ZRANB3: variants seen among roughly 807,000 people sequenced by gnomAD.
The protein encoded by ZRANB3 is zinc finger RANBP2-type containing 3, also known as DNA annealing helicase and endonuclease ZRANB3.
Under a neutral mutation model 133.8 loss-of-function variants are expected in ZRANB3, and 125 were observed. The ratio of observed to expected loss-of-function variants is 0.93; its 90% CI spans 0.81 to 1.08. The LOEUF (loss-of-function observed/expected upper bound fraction) is 1.08. Ranked by LOEUF, ZRANB3 falls within the 50% of genes least tolerant of loss-of-function variation. ZRANB3 has a pLI of 0.00. For missense variants in ZRANB3, 1,229 were observed against 1,275.5 expected (o/e 0.96, Z 0.56); for synonymous variants, 387 against 432.7 (o/e 0.89, Z 1.31).
chr2:135,383,510 C>T (rs1686821178), intron 3 of ZRANB3, among the ~76,000 whole-genome samples: 1 of 152,186 alleles, frequency 6.6e-6, no homozygotes, highest in Non-Finnish European at 1.5e-5. Flanking sequence ...TAGACATCTA[C>T]AGAACTCTCC....
chr2:135,339,725 T>C (rs903861688), intron 6 of ZRANB3, among the ~76,000 whole-genome samples: 9 of 152,260 alleles, frequency 5.9e-5, no homozygotes, highest in Admixed American at 5.2e-4. Flanking sequence ...TGTCTTACTG[T>C]AGTTTCAATT....
chr2:135,453,653 G>A (rs1162364978), intron 2 of ZRANB3, among the ~76,000 whole-genome samples: 1 of 152,162 alleles, frequency 6.6e-6, no homozygotes, highest in Non-Finnish European at 1.5e-5. Context: ...AGTCACCTTT[G>A]CTCCAATTCC....
chr2:135,413,419 T>C (rs1453685118), intron 2 of ZRANB3, among the ~76,000 whole-genome samples: 1 of 152,216 alleles, frequency 6.6e-6, no homozygotes, highest in African/African-American at 2.4e-5. Context: ...TTCCTTCAGT[T>C]TATAATGGCT....
intron 2 of ZRANB3, among the ~76,000 whole-genome samples, chr2:135,433,883 G>C (rs1574097445): frequency 6.6e-6 from 1 of 152,232 alleles, no homozygotes; most frequent in South Asian, 2.1e-4. Context: ...TGTAATCCCA[G>C]CTACTTGGGA....
intron 8 of ZRANB3, among the ~76,000 whole-genome samples, chr2:135,281,992 T>G (rs1046872316): frequency 1.3e-5 from 2 of 152,230 alleles, no homozygotes; most frequent in Admixed American, 1.3e-4. Context: ...TTTAACTTAG[T>G]GTAATGGTTT....
At chr2:135,309,174 G>C (rs916804769) in intron 8 of ZRANB3, among the ~76,000 whole-genome samples, 1 of 151,688 alleles carries the variant, frequency 6.6e-6, no homozygotes, top group African/African-American at 2.4e-5. Context: ...GTAGAGACGG[G>C]GTTTCACCGT....
chr2:135,324,594 C>T (rs1230854616), intron 6 of ZRANB3, among the ~76,000 whole-genome samples: 1 of 152,042 alleles, frequency 6.6e-6, no homozygotes, highest in Non-Finnish European at 1.5e-5. Context: ...TGGGTATATA[C>T]CCAGTAATGG....
At chr2:135,321,299 C>A (rs1260241894) in intron 6 of ZRANB3, among the ~76,000 whole-genome samples, 1 of 152,180 alleles carries the variant, frequency 6.6e-6, no homozygotes, top group African/African-American at 2.4e-5. Context: ...GTAACCTTGC[C>A]ACCATTCTAA....
chr2:135,368,639 T>C (rs1048110207), intron 3 of ZRANB3, among the ~76,000 whole-genome samples: 7 of 152,012 alleles, frequency 4.6e-5, no homozygotes, highest in African/African-American at 1.7e-4. Context: ...ACGAGTATAA[T>C]TGGATTGTTG....
chr2:135,431,510 A>C (rs1689322600), intron 2 of ZRANB3, among the ~76,000 whole-genome samples: 1 of 152,144 alleles, frequency 6.6e-6, no homozygotes. Flanking sequence ...CTGCTCTTTG[A>C]AAGACACTTT....
At chr2:135,473,449 G>A (rs1053395634) in intron 2 of ZRANB3, among the ~76,000 whole-genome samples, 6 of 151,632 alleles carry the variant, frequency 4.0e-5, no homozygotes, top group African/African-American at 1.2e-4. Flanking sequence ...TACTACCATT[G>A]CCCACATAAT....
In ZRANB3 at chr2:135,250,371, A is replaced by G. The variant is rs967100869; in HGVS notation, c.1539+15163T>C. On this transcript the variant is annotated intron_variant, in intron 12 of 20. Transcript: ENST00000264159. ...ATTTGCAGCCTGACTATGTGACAGAAAAGAAAACTTCTCGGGAGAAATTCA... is the reference window on the plus strand; with the variant it reads ...ATTTGCAGCCTGACTATGTGACAGAGAAGAAAACTTCTCGGGAGAAATTCA... Among the ~76,000 whole-genome samples, 154 of 152,354 alleles carry G rather than the reference A, an allele frequency of 1.0e-3. 1 individual carries two copies. Among genetic ancestry groups the G allele is most frequent in the African/African-American group, 3.5e-3 (146 of 41,576 alleles).
intron 2 of ZRANB3, among the ~76,000 whole-genome samples, chr2:135,427,833 G>T (rs567085030): frequency 6.6e-6 from 1 of 152,086 alleles, no homozygotes; most frequent in Non-Finnish European, 1.5e-5. Context: ...AAACAGCATG[G>T]TACTGGCACA....
chr2:135,288,496 T>C (rs1461747717), intron 8 of ZRANB3, among the ~76,000 whole-genome samples: 1 of 151,466 alleles, frequency 6.6e-6, no homozygotes, highest in Admixed American at 6.6e-5. Flanking sequence ...ACAGTTTCAA[T>C]AGAATTGGTA....
chr2:135,199,896 G>T lies in ZRANB3; in HGVS notation c.*446C>A, dbSNP rs1184608286. On this transcript the variant is annotated 3_prime_UTR_variant, in exon 21 of 21. Coordinates refer to ENST00000264159, the MANE Select transcript of ZRANB3 (RefSeq NM_032143.4). ...AATCCTAAGCAGGCTGGTCATGCTTGGCCCAGAATTCCCAAATAATGATTT... is the reference window on the plus strand; with the variant it reads ...AATCCTAAGCAGGCTGGTCATGCTTTGCCCAGAATTCCCAAATAATGATTT... 5.4e-6 allele frequency: 1 copy of T among 186,136 alleles called. No individual in the cohort carries two copies. Among genetic ancestry groups the T allele is most frequent in the South Asian group, 9.7e-5 (1 of 10,270 alleles). 11.5% of individuals were successfully genotyped at this position (186,136 alleles called of 1,614,324 possible). A position where few individuals can be genotyped will look rare whatever the true frequency, so the allele number is the denominator to read the frequency against.
chr2:135,349,898 T>C (rs1183824289), intron 5 of ZRANB3, 86 bp downstream of exon 5: 2 of 1,166,338 alleles, frequency 1.7e-6, no homozygotes, highest in East Asian at 4.8e-5. Flanking sequence ...AATTTGAAAT[T>C]AAAAATTGCA....
chr2:135,213,962 G>A (rs1694204810), intron 17 of ZRANB3, among the ~76,000 whole-genome samples: 1 of 152,090 alleles, frequency 6.6e-6, no homozygotes, highest in African/African-American at 2.4e-5. Flanking sequence ...GAGGCCTCTA[G>A]GAGCTGATGG....
At chr2:135,401,917 T>G (rs1427472382) in intron 2 of ZRANB3, among the ~76,000 whole-genome samples, 1 of 152,234 alleles carries the variant, frequency 6.6e-6, no homozygotes, top group Non-Finnish European at 1.5e-5. Context: ...GTTTTGGCCA[T>G]AAAACCTCAA....
At chr2:135,271,103 T>C (rs1334342830) in intron 10 of ZRANB3, among the ~76,000 whole-genome samples, 1 of 152,238 alleles carries the variant, frequency 6.6e-6, no homozygotes, top group African/African-American at 2.4e-5. Flanking sequence ...AGGCAGCTGC[T>C]TAGACTGCAG....
Sources: allele counts gnomAD v4.1 joint callset (sites outside exome capture counted in the v4.1 genomes callset), GRCh38; gene constraint gnomAD v4.1.1; transcripts MANE v1.5; gene names NCBI Gene and HGNC (gene_info 2026-07-23, HGNC 2026-07-21).